The following SPIDR variants were observed in gnomAD, a reference collection of about 807,000 sequenced individuals.
SPIDR encodes the protein DNA repair-scaffolding protein.
Under a neutral mutation model 104.6 loss-of-function variants are expected in SPIDR, and 93 were observed. The ratio of observed to expected loss-of-function variants is 0.89; its 90% CI spans 0.75 to 1.06. The LOEUF is 1.06. Among genes scored for constraint, SPIDR ranks in the 50% least tolerant of loss-of-function variants. The probability of loss-of-function intolerance (pLI) is 0.00; values close to 1 mark genes in which losing one functional copy is unlikely to be tolerated. For missense variants in SPIDR, 1,154 were observed against 1,111.2 expected, an observed-to-expected ratio of 1.04 and a Z score of -0.55; for synonymous variants, 431 against 416.9, an observed-to-expected ratio of 1.03 and a Z score of -0.41.
chr8:47,480,115 T>C (rs1391093799), intron 8 of SPIDR, among the ~76,000 whole-genome samples: 1 of 152,134 alleles, frequency 6.6e-6, no homozygotes, highest in African/African-American at 2.4e-5. Flanking sequence ...TGAAGAAAAA[T>C]GTATCCATCC....
chr8:47,268,055 T>C (rs2034465181), intron 1 of SPIDR, among the ~76,000 whole-genome samples: 1 of 152,226 alleles, frequency 6.6e-6, no homozygotes, highest in African/African-American at 2.4e-5. Flanking sequence ...TCGATGTGGA[T>C]ACCCAGTTGT....
chr8:47,677,751 C>T (rs568110336), intron 11 of SPIDR, among the ~76,000 whole-genome samples: 14 of 152,320 alleles, frequency 9.2e-5, no homozygotes, highest in African/African-American at 2.9e-4. Flanking sequence ...TCTTAGCTGA[C>T]TGATCTCAGA....
intron 9 of SPIDR, among the ~76,000 whole-genome samples, chr8:47,597,319 A>T (rs904425228): frequency 6.6e-6 from 1 of 152,016 alleles, no homozygotes; most frequent in African/African-American, 2.4e-5. Flanking sequence ...GCACCCATTA[A>T]CTCGTCATTT....
intron 16 of SPIDR, among the ~76,000 whole-genome samples, chr8:47,721,897 GT>G (rs1167817245): frequency 1.3e-5 from 2 of 152,150 alleles, no homozygotes; most frequent in Non-Finnish European, 2.9e-5. Context: ...TTTAGAATCA[GT>G]TTGTTGATAT....
chr8:47,709,211 G>T (rs2081499177), intron 14 of SPIDR, among the ~76,000 whole-genome samples: 1 of 152,096 alleles, frequency 6.6e-6, no homozygotes, highest in Non-Finnish European at 1.5e-5. Context: ...CATGACCTCG[G>T]CTCACTGCAA....
chr8:47,275,274 A>G (rs2154217497), intron 1 of SPIDR, among the ~76,000 whole-genome samples: 1 of 152,144 alleles, frequency 6.6e-6, no homozygotes, highest in African/African-American at 2.4e-5. Context: ...AAAAAGAAAA[A>G]AGAAAATATC....
At chr8:47,317,420 T>C (rs1229189436) in intron 5 of SPIDR, among the ~76,000 whole-genome samples, 2 of 152,006 alleles carry the variant, frequency 1.3e-5, no homozygotes, top group African/African-American at 4.8e-5. Flanking sequence ...CGCCCACCAT[T>C]GCCAAGGCTT....
At position 47,697,015 on chromosome 8, in the gene SPIDR, A is replaced by C. The variant is rs538607344; in HGVS notation, c.1686-3388A>C. ...GTGGCCCTCATCTCCAGTACAGCCC[A>C]GTCTCAGTCTCTCCATGGGGCCCTC... On this transcript the variant is annotated intron_variant, in intron 11 of 19. Coordinates refer to ENST00000297423, the MANE Select transcript of SPIDR (RefSeq NM_001080394.4). Among the ~76,000 whole-genome samples, 37 of 152,274 alleles carry C rather than the reference A, an allele frequency of 2.4e-4. 1 individual carries two copies. In the South Asian group the frequency reaches 6.0e-3, roughly 25 times the overall value.
At position 47,561,958 on chromosome 8, in the gene SPIDR, A is replaced by C. The variant is rs138801390; in HGVS notation, c.1098-33853A>C. Among the ~76,000 whole-genome samples, 13 of 152,366 alleles carry C rather than the reference A, an allele frequency of 8.5e-5. No homozygotes were observed. In the East Asian group the frequency reaches 2.5e-3, roughly 29 times the overall value. On this transcript the variant is annotated intron_variant, in intron 8 of 19. Transcript: ENST00000297423. ...TCAAAGAAAGAGGTGAGGGAATTAC[A>C]CAAGTGTTCGGCTGTCTGCCTTGTG...
intron 7 of SPIDR, among the ~76,000 whole-genome samples, chr8:47,413,701 CATT>C (rs1340452745): frequency 1.3e-5 from 2 of 152,206 alleles, no homozygotes; most frequent in Non-Finnish European, 2.9e-5. Context: ...ACATGATCCT[CATT>C]GTTGTATCAC....
At chr8:47,521,313 ATAAT>A (rs1192850787) in intron 8 of SPIDR, among the ~76,000 whole-genome samples, 1 of 152,220 alleles carries the variant, frequency 6.6e-6, no homozygotes, top group African/African-American at 2.4e-5. Context: ...TTAAGAGCAA[ATAAT>A]TAATACCAGA....
At chr8:47,368,111 T>C (rs1394836981) in intron 5 of SPIDR, among the ~76,000 whole-genome samples, 1 of 152,026 alleles carries the variant, frequency 6.6e-6, no homozygotes, top group East Asian at 1.9e-4. Flanking sequence ...CTTTTTGGTG[T>C]AACCTCACAT....
intron 5 of SPIDR, among the ~76,000 whole-genome samples, chr8:47,311,300 C>T (rs587740739): frequency 6.6e-6 from 1 of 152,256 alleles, no homozygotes; most frequent in East Asian, 1.9e-4. Context: ...AAGCTAGCCT[C>T]AGTGGCTGGT....
intron 10 of SPIDR, among the ~76,000 whole-genome samples, chr8:47,600,855 C>T (rs534110247): frequency 7.2e-5 from 11 of 152,038 alleles, no homozygotes; most frequent in East Asian, 1.9e-4. Context: ...TCCAAGGGGA[C>T]GAGGAAACAG....
chr8:47,653,919 T>A (rs2072182457), intron 10 of SPIDR: 1 of 942,174 alleles, frequency 1.1e-6, no homozygotes, highest in South Asian at 4.9e-5. Flanking sequence ...TTGTTTACAC[T>A]ATGGGAATAA....
chr8:47,503,307 G>A (rs2080866618), intron 8 of SPIDR, among the ~76,000 whole-genome samples: 1 of 152,174 alleles, frequency 6.6e-6, no homozygotes, highest in Non-Finnish European at 1.5e-5. Flanking sequence ...CTTGCTTTAT[G>A]AGTCTGGGTG....
chr8:47,470,896 A>C (rs1271217427), intron 8 of SPIDR, among the ~76,000 whole-genome samples: 2 of 151,682 alleles, frequency 1.3e-5, no homozygotes, highest in South Asian at 2.1e-4. Context: ...CACCACGCCC[A>C]GCTAATTTTT....
chr8:47,712,797 G>C lies in SPIDR; in HGVS notation c.2113G>C (p.Gly705Arg). The C allele has an allele frequency of 6.2e-7, 1 of 1,614,090 alleles. No individual in the cohort carries two copies. Among genetic ancestry groups the C allele is most frequent in the Non-Finnish European group, 8.5e-7 (1 of 1,180,036 alleles). ...LVYVAPLCVLGSEVLEALAGA... is the reference protein window; with the variant it reads ...LVYVAPLCVLRSEVLEALAGA... ...CTATGTGGCCCCCTTGTGTGTGCTG[G>C]GCTCTGAAGTCCTGGAGGCACTCGC... is the stretch of plus-strand genomic sequence containing the variant. Residue 705 changes from glycine (G) to arginine (R), a missense_variant, in exon 15 of 20, where the codon GGC becomes CGC. Transcript: ENST00000297423.
chr8:47,435,504 A>G (rs2068129888), intron 7 of SPIDR, among the ~76,000 whole-genome samples: 1 of 152,208 alleles, frequency 6.6e-6, no homozygotes, highest in Admixed American at 6.5e-5. Flanking sequence ...TGCTAGGCAT[A>G]TGCATGGATA....
Sources: allele counts gnomAD v4.1 joint callset (sites outside exome capture counted in the v4.1 genomes callset), GRCh38; gene constraint gnomAD v4.1.1; transcripts MANE v1.5; gene names NCBI Gene and HGNC (gene_info 2026-07-23, HGNC 2026-07-21).